DNAJC3: variants seen among roughly 807,000 people sequenced by gnomAD.
DNAJC3 encodes DnaJ heat shock protein family (Hsp40) member C3.
In DNAJC3, 38 loss-of-function variants were observed where a neutral mutation model predicts 68.6. The ratio of observed to expected loss-of-function variants is 0.55; its 90% CI spans 0.43 to 0.73. DNAJC3 has a LOEUF of 0.73. DNAJC3 is among the 30% of genes least tolerant of loss of function. The probability of loss-of-function intolerance (pLI) is 0.00; values close to 1 mark genes in which losing one functional copy is unlikely to be tolerated. For synonymous variants in DNAJC3, 203 were observed against 204.0 expected, an observed-to-expected ratio of 1.00 and a Z score of 0.04; for missense variants, 526 against 591.9, an observed-to-expected ratio of 0.89 and a Z score of 1.16.
chr13:95,740,647 G>T (rs1566493782), intron 4 of DNAJC3, among the ~76,000 whole-genome samples: 2 of 152,174 alleles, frequency 1.3e-5, no homozygotes, highest in Admixed American at 1.3e-4. Flanking sequence ...CCCAAGTGAG[G>T]CAATGCCTCG....
At chr13:95,740,314 C>T (rs1352685599) in intron 4 of DNAJC3, among the ~76,000 whole-genome samples, 6 of 152,262 alleles carry the variant, frequency 3.9e-5, no homozygotes, top group Non-Finnish European at 8.8e-5. Flanking sequence ...GCAGGCAGGC[C>T]TCCTTGAGCT....
chr13:95,698,253 C>A (rs1195684763), intron 1 of DNAJC3, among the ~76,000 whole-genome samples: 1 of 152,076 alleles, frequency 6.6e-6, no homozygotes, highest in Non-Finnish European at 1.5e-5. Context: ...GTGGTACTTA[C>A]TGGTATGAGC....
chr13:95,713,328 G>A (rs1008475831), intron 2 of DNAJC3, among the ~76,000 whole-genome samples: 7 of 151,926 alleles, frequency 4.6e-5, no homozygotes, highest in Non-Finnish European at 1.0e-4. Context: ...ATTTAGCAAG[G>A]CCACTCACTA....
At chr13:95,690,832 G>A (rs1384095020) in intron 1 of DNAJC3, among the ~76,000 whole-genome samples, 1 of 142,918 alleles carries the variant, frequency 7.0e-6, no homozygotes, top group Non-Finnish European at 1.5e-5. Flanking sequence ...AGCTGGCCGG[G>A]CAGAGGGGCT....
chr13:95,688,902 G>C (rs946500703), intron 1 of DNAJC3, among the ~76,000 whole-genome samples: 19 of 150,892 alleles, frequency 1.3e-4, no homozygotes, highest in African/African-American at 3.4e-4. Context: ...TTGCATCCCA[G>C]AGACAAAGCC....
chr13:95,741,445 A>C (rs547571758), intron 4 of DNAJC3, among the ~76,000 whole-genome samples: 1 of 152,124 alleles, frequency 6.6e-6, no homozygotes, highest in Non-Finnish European at 1.5e-5. Context: ...CTTGGGCCCT[A>C]GTGGGGGCAA....
chr13:95,712,378 T>TC (rs1197433236), intron 2 of DNAJC3, among the ~76,000 whole-genome samples: 53 of 149,886 alleles, frequency 3.5e-4, no homozygotes, highest in Admixed American at 8.0e-4. Context: ...TTTTTTCTTT[T>TC]TTTTTTTTTT....
In DNAJC3 at chr13:95,793,765, A is replaced by AG. The variant is rs1883872366; in HGVS notation, c.*2737dup. ...GCGTGAGCCACTGCGCCTGGCCATC[A>AG]GGTAACCTTTATGGCTCTTTCAGGA... is the stretch of plus-strand genomic sequence containing the variant. On this transcript the variant is annotated 3_prime_UTR_variant, in exon 12 of 12. Coordinates refer to ENST00000602402, the MANE Select transcript of DNAJC3 (RefSeq NM_006260.5). The AG allele has an allele frequency of 6.6e-6, 1 of 152,302 alleles. No homozygotes were observed. Among genetic ancestry groups the AG allele is most frequent in the Non-Finnish European group, 1.5e-5 (1 of 68,176 alleles). 9.4% of individuals were successfully genotyped at this position (152,302 alleles called of 1,614,324 possible). A position where few individuals can be genotyped will look rare whatever the true frequency, so the allele number is the denominator to read the frequency against.
Position 95,790,952 on chromosome 13 carries a change from C to T in DNAJC3, c.1437C>T (p.His479=), listed in dbSNP as rs548656299. The change falls in exon 12 of 12, where the codon CAC becomes CAT. Residue 479 remains histidine (H), a synonymous_variant. Transcript: ENST00000602402. ...SQQGGGGNPF[H]RSWNSWQGFN... The stretch of plus-strand genomic sequence containing the variant: ...AAGGAGGCGGCGGCAACCCTTTCCA[C>T]AGAAGCTGGAACTCATGGCAAGGGT... 31 of 1,610,720 alleles carry T rather than the reference C, an allele frequency of 1.9e-5. 1 individual carries two copies. The East Asian group carries it at 6.2e-4, about 32-fold the overall frequency.
At chr13:95,712,937 C>G (rs1329837098) in intron 2 of DNAJC3, among the ~76,000 whole-genome samples, 1 of 152,026 alleles carries the variant, frequency 6.6e-6, no homozygotes, top group Non-Finnish European at 1.5e-5. Flanking sequence ...GTGGTTACCC[C>G]CATGCTGTTC....
chr13:95,733,196 G>A (rs1881771327), intron 4 of DNAJC3, among the ~76,000 whole-genome samples: 1 of 152,038 alleles, frequency 6.6e-6, no homozygotes, highest in Admixed American at 6.5e-5. Flanking sequence ...TTGATTTTCT[G>A]TCTATATGAT....
chr13:95,740,206 C>T (rs1390879973), intron 4 of DNAJC3, among the ~76,000 whole-genome samples: 1 of 152,216 alleles, frequency 6.6e-6, no homozygotes, highest in Non-Finnish European at 1.5e-5. Flanking sequence ...AACCACTGCT[C>T]TCTTCAAAGC....
intron 1 of DNAJC3, among the ~76,000 whole-genome samples, chr13:95,708,080 C>T (rs892258976): frequency 6.6e-6 from 1 of 152,112 alleles, no homozygotes; most frequent in Non-Finnish European, 1.5e-5. Flanking sequence ...TGGATGTCCT[C>T]CTCATCCATA....
intron 9 of DNAJC3, among the ~76,000 whole-genome samples, chr13:95,771,021 A>G (rs143562645): frequency 7.2e-5 from 11 of 152,330 alleles, no homozygotes; most frequent in Non-Finnish European, 1.5e-4. Flanking sequence ...AGTCCTCACC[A>G]TACAGATACT....
At position 95,743,158 on chromosome 13, in the gene DNAJC3, C is replaced by G. The variant is rs1001153025; in HGVS notation, c.394-14486C>G. ...TCTGTGTGTCTGTCCCTTTGTCATT[C>G]CTGCACTCTGTTGATTACTATAGAT... is the stretch of plus-strand genomic sequence containing the variant. On this transcript the variant is annotated intron_variant, in intron 4 of 11. Transcript: ENST00000602402. Among the ~76,000 whole-genome samples the G allele has an allele frequency of 1.4e-4, 21 of 152,222 alleles. 1 individual carries two copies. In the Middle Eastern group the frequency reaches 0.01, roughly 74 times the overall value.
chr13:95,716,255 G>A (rs982532886), intron 2 of DNAJC3, among the ~76,000 whole-genome samples: 4 of 152,246 alleles, frequency 2.6e-5, no homozygotes, highest in Admixed American at 1.3e-4. Flanking sequence ...GCGTGCAACA[G>A]GGTTGTGGCT....
intron 4 of DNAJC3, among the ~76,000 whole-genome samples, chr13:95,737,415 C>A (rs1011909012): frequency 2.0e-5 from 3 of 151,634 alleles, no homozygotes; most frequent in African/African-American, 7.3e-5. Flanking sequence ...CCTCCTTGTA[C>A]CTCTGGTAGA....
At chr13:95,787,628 G>A (rs1883642208) in intron 11 of DNAJC3, among the ~76,000 whole-genome samples, 1 of 151,628 alleles carries the variant, frequency 6.6e-6, no homozygotes, top group Non-Finnish European at 1.5e-5. Flanking sequence ...CAGGAATCTT[G>A]CCCTGAATCA....
intron 2 of DNAJC3, among the ~76,000 whole-genome samples, chr13:95,714,441 A>G (rs889784729): frequency 2.0e-5 from 3 of 149,928 alleles, no homozygotes; most frequent in African/African-American, 4.9e-5. Context: ...GTGCAGTAGG[A>G]TATGTAAAGA....
Sources: gnomAD v4.1 joint callset for allele counts (sites outside exome capture counted in the v4.1 genomes callset) on GRCh38, gnomAD v4.1.1 for gene constraint, MANE v1.5 for transcripts, NCBI Gene and HGNC (gene_info 2026-07-23, HGNC 2026-07-21) for gene names.